The following PIEZO1 variants were observed in gnomAD, a reference collection of about 807,000 sequenced individuals.
The protein encoded by PIEZO1 is piezo-type mechanosensitive ion channel component 1.
A neutral mutation model predicts 297.2 loss-of-function variants in PIEZO1; 296 were observed. That is an observed-to-expected ratio of 1.00 (90% CI 0.91 to 1.10). The LOEUF is 1.10. Among genes scored for constraint, PIEZO1 ranks in the 50% least tolerant of loss-of-function variants. The pLI is 0.00. For missense variants in PIEZO1, 5,018 were observed against 3,455.5 expected, an observed-to-expected ratio of 1.45 and a Z score of -11.34; for synonymous variants, 2,427 against 1,507.5, an observed-to-expected ratio of 1.61 and a Z score of -14.13.
In PIEZO1 at chr16:88,727,596, G is replaced by T; in HGVS notation, c.3262C>A (p.Pro1088Thr). 6.5e-7 allele frequency: 1 copy of T among 1,536,234 alleles called. No individual in the cohort carries two copies. The highest frequency in any genetic ancestry group is 8.8e-7 in the Non-Finnish European group (1 of 1,137,866). Reference protein sequence around the residue: ...NSALIKWLYLPDFFRAPNSTN... With the variant: ...NSALIKWLYLTDFFRAPNSTN... ...GAGTTGGGGGCCCGGAAGAAATCAGGCAGGTACAGCCACTTGATGAGTGCG... is the reference window on the plus strand; with the variant it reads ...GAGTTGGGGGCCCGGAAGAAATCAGTCAGGTACAGCCACTTGATGAGTGCG... The change falls in exon 23 of 51, where the codon CCT (proline) becomes ACT (threonine). Residue 1088 changes from proline (P) to threonine (T), a missense_variant. Coordinates refer to ENST00000301015, the MANE Select transcript of PIEZO1 (RefSeq NM_001142864.4).
intron 30 of PIEZO1, among the ~76,000 whole-genome samples, chr16:88,724,262 G>A (rs1371190199): frequency 6.6e-6 from 1 of 152,270 alleles, no homozygotes; most frequent in African/African-American, 2.4e-5. Flanking sequence ...CGGGCACGGT[G>A]GCTGACGCCT....
chr16:88,735,281 G>GTGCT, intron 12 of PIEZO1, 35 bp from the exon 13 acceptor site: 3 of 1,457,776 alleles, frequency 2.1e-6, no homozygotes, highest in Non-Finnish European at 2.8e-6. Flanking sequence ...GTCAGCCGGG[G>GTGCT]GGCCCAGCAC....
chr16:88,737,579 C>G lies in PIEZO1; in HGVS notation c.1175G>C (p.Ser392Thr). ...CTCACCAGGCCGCCGCAGGACGGAGCTCTGGCCGGTCAGCTCGTGCACGAT... is the reference window on the plus strand; with the variant it reads ...CTCACCAGGCCGCCGCAGGACGGAGGTCTGGCCGGTCAGCTCGTGCACGAT... Reference protein sequence around the residue: ...NCIVHELTGQSSVLRRPVRPK... With the variant: ...NCIVHELTGQTSVLRRPVRPK... Residue 392 changes from serine to threonine, a missense_variant, in exon 10 of 51, where the codon AGC (serine) becomes ACC (threonine). Coordinates refer to ENST00000301015, the MANE Select transcript of PIEZO1 (RefSeq NM_001142864.4). The G allele has an allele frequency of 6.5e-7, 1 of 1,534,074 alleles. No homozygotes were observed. The highest frequency in any genetic ancestry group is 8.7e-7 in the Non-Finnish European group (1 of 1,146,266).
rs1183081683 is a variant in PIEZO1 at position 88,720,547 on chromosome 16, G to A, written c.5802-15C>T. 20 of 1,548,752 alleles carry A rather than the reference G, an allele frequency of 1.3e-5. No individual in the cohort carries two copies. Among genetic ancestry groups the A allele is most frequent in the East Asian group, 9.8e-5 (4 of 40,922 alleles). On this transcript the variant is annotated splice_polypyrimidine_tract_variant and intron_variant, in intron 40 of 50. Coordinates refer to ENST00000301015, the MANE Select transcript of PIEZO1 (RefSeq NM_001142864.4). The stretch of plus-strand genomic sequence containing the variant: ...TGCCCTGGGCCCTGCGGAAGGGGGC[G>A]CTCAGCCTGGGCCCAGTACCCGCCT...
At chr16:88,726,024 G>A (rs1466164543) in intron 27 of PIEZO1, 5 of 569,744 alleles carry the variant, frequency 8.8e-6, no homozygotes, top group South Asian at 4.4e-5. Flanking sequence ...TTAGCCCTTA[G>A]TGGGAAAGTT....
intron 45 of PIEZO1, 30 bp downstream of exon 45, chr16:88,716,993 G>A (rs1441879965): frequency 1.3e-6 from 2 of 1,548,550 alleles, no homozygotes; most frequent in African/African-American, 2.7e-5. Flanking sequence ...CAGGGGATGG[G>A]AATGGACAGG....
Position 88,723,898 on chromosome 16 carries a change from C to T in PIEZO1, c.4308G>A (p.Pro1436=), listed in dbSNP as rs181738637. ...EEEEEAVPED[P]RPSAQSAFQL... is the part of the protein sequence containing the mutation. Reference sequence around the variant, plus strand: ...GGAAGGCACTCTGTGCCGACGGCCTCGGGTCTTCAGGAACAGCCTCCTCCT... The same window carrying T: ...GGAAGGCACTCTGTGCCGACGGCCTTGGGTCTTCAGGAACAGCCTCCTCCT... The change falls in exon 31 of 51, where the codon CCG becomes CCA. Residue 1436 remains proline, a synonymous_variant. Coordinates refer to ENST00000301015, the MANE Select transcript of PIEZO1 (RefSeq NM_001142864.4). 14 of 1,548,278 alleles carry T rather than the reference C, an allele frequency of 9.0e-6. No homozygotes were observed. The highest frequency in any genetic ancestry group is 3.9e-5 in the Admixed American group (2 of 51,000).
intron 1 of PIEZO1, among the ~76,000 whole-genome samples, chr16:88,757,829 A>C (rs1906748804): frequency 1.3e-5 from 2 of 152,168 alleles, no homozygotes; most frequent in Admixed American, 1.3e-4. Context: ...GCCCAGCAAG[A>C]GACTCAAGTC....
At chr16:88,771,462 G>C (rs1005967077) in intron 1 of PIEZO1, among the ~76,000 whole-genome samples, 1 of 152,220 alleles carries the variant, frequency 6.6e-6, no homozygotes, top group Non-Finnish European at 1.5e-5. Context: ...CCAGCAGGCA[G>C]GGTAAGGAGC....
In PIEZO1 at chr16:88,721,731, G is replaced by A. The variant is rs747781647; in HGVS notation, c.5215-5C>T. On this transcript the variant is annotated splice_polypyrimidine_tract_variant and splice_region_variant and intron_variant, in intron 37 of 50. Coordinates refer to ENST00000301015, the MANE Select transcript of PIEZO1 (RefSeq NM_001142864.4). ...GTACTTGACGACCACCGCGATCTGT[G>A]GGGGAGGGGGCTCAGCACGCGGGGA... 13 of 1,538,340 alleles carry A rather than the reference G, an allele frequency of 8.5e-6. No homozygotes were observed. Among genetic ancestry groups the A allele is most frequent in the African/African-American group, 8.2e-5 (6 of 72,882 alleles).
chr16:88,768,584 G>A (rs1005233685), intron 1 of PIEZO1, among the ~76,000 whole-genome samples: 2 of 152,258 alleles, frequency 1.3e-5, no homozygotes, highest in Non-Finnish European at 2.9e-5. Flanking sequence ...GCCCTGACAA[G>A]CAGGTTGTGG....
intron 2 of PIEZO1, 104 bp from the exon 3 acceptor site, chr16:88,742,526 G>T: frequency 1.6e-6 from 2 of 1,237,926 alleles, no homozygotes; most frequent in Non-Finnish European, 1.1e-6. Flanking sequence ...GAGCCCAGAG[G>T]CCTGAGATGC....
At chr16:88,758,770 T>C (rs1906790927) in intron 1 of PIEZO1, among the ~76,000 whole-genome samples, 1 of 152,248 alleles carries the variant, frequency 6.6e-6, no homozygotes, top group Non-Finnish European at 1.5e-5. Context: ...CTTAGTTTGT[T>C]CGTCTATAAA....
intron 1 of PIEZO1, among the ~76,000 whole-genome samples, chr16:88,784,058 G>C (rs1356117011): frequency 1.3e-5 from 2 of 152,220 alleles, no homozygotes; most frequent in African/African-American, 2.4e-5. Context: ...CCTGGGTCCC[G>C]GCTAGGCCAG....
In PIEZO1 at chr16:88,720,074, A is replaced by G. The variant is rs778692471; in HGVS notation, c.6159T>C (p.Thr2053=). Reference sequence around the variant, plus strand: ...GCCCCCACGCGTGGGCCCACCTCTCAGTGACGGCGGGCAGGATGAAGAACA... The same window carrying G: ...GCCCCCACGCGTGGGCCCACCTCTCGGTGACGGCGGGCAGGATGAAGAACA... ...LWMFFILPAV[T]ERMFNQNVVA... The change falls in exon 42 of 51, where the codon ACT becomes ACC. Residue 2053 remains threonine, a synonymous_variant. Coordinates refer to ENST00000301015, the MANE Select transcript of PIEZO1 (RefSeq NM_001142864.4). The G allele has an allele frequency of 1.9e-6, 3 of 1,550,214 alleles. No individual in the cohort carries two copies. The highest frequency in any genetic ancestry group is 2.4e-5 in the East Asian group (1 of 40,916).
At chr16:88,726,206 G>A in intron 27 of PIEZO1, 78 bp downstream of exon 27, 3 of 1,273,860 alleles carry the variant, frequency 2.4e-6, no homozygotes, top group East Asian at 5.1e-5. Flanking sequence ...GCCGGGGCCT[G>A]AGACAGTGAG....
In PIEZO1 at chr16:88,726,978, G is replaced by A. The variant is rs1229796531; in HGVS notation, c.3456-20C>T. The stretch of plus-strand genomic sequence containing the variant: ...TAGGACCTGCCAGGCCGGAGCGTCA[G>A]GGCGGGCGCCCCGGCCACCCCTCCC... On this transcript the variant is annotated intron_variant, in intron 24 of 50. Coordinates refer to ENST00000301015, the MANE Select transcript of PIEZO1 (RefSeq NM_001142864.4). 6.5e-7 allele frequency: 1 copy of A among 1,549,502 alleles called. No individual in the cohort carries two copies. The highest frequency in any genetic ancestry group is 8.7e-7 in the Non-Finnish European group (1 of 1,146,186).
chr16:88,731,461 T>A, intron 22 of PIEZO1: 1 of 538,542 alleles, frequency 1.9e-6, no homozygotes, highest in Non-Finnish European at 3.3e-6. Flanking sequence ...TTGAAATATT[T>A]CAAGATAGAA....
intron 1 of PIEZO1, among the ~76,000 whole-genome samples, chr16:88,764,973 A>T (rs2142890566): frequency 6.6e-6 from 1 of 152,310 alleles, no homozygotes; most frequent in East Asian, 1.9e-4. Context: ...GCCGCCTCTC[A>T]GGAGCACTGC....
Sources: gnomAD v4.1 joint callset for allele counts (sites outside exome capture counted in the v4.1 genomes callset) on GRCh38, gnomAD v4.1.1 for gene constraint, MANE v1.5 for transcripts, NCBI Gene and HGNC (gene_info 2026-07-23, HGNC 2026-07-21) for gene names.